Variants in SMG1 observed in about 807,000 individuals in gnomAD.
SMG1 encodes the protein serine/threonine-protein kinase SMG1.
Under a neutral mutation model 419.9 loss-of-function variants are expected in SMG1, and 22 were observed. The ratio of observed to expected loss-of-function variants is 0.05; its 90% CI spans 0.04 to 0.07. SMG1 has a LOEUF of 0.07. Ranked by LOEUF, SMG1 falls within the 10% of genes least tolerant of loss-of-function variation. The pLI is 1.00. For missense variants in SMG1, 3,185 were observed against 4,342.0 expected, an observed-to-expected ratio of 0.73 and a Z score of 7.49; for synonymous variants, 1,538 against 1,553.5, an observed-to-expected ratio of 0.99 and a Z score of 0.23.
intron 1 of SMG1, among the ~76,000 whole-genome samples, chr16:18,923,197 C>T (rs987898027): frequency 1.3e-5 from 2 of 152,180 alleles, no homozygotes; most frequent in African/African-American, 4.8e-5. Context: ...CGGGTTTGCT[C>T]TCTTGCCATA....
chr16:18,876,109 C>T lies in SMG1; in HGVS notation c.1890+15G>A. On this transcript the variant is annotated intron_variant, in intron 13 of 62. Coordinates refer to ENST00000446231, the MANE Select transcript of SMG1 (RefSeq NM_015092.5). ...AACTGTGGATAAAACAAAGTCATTA[C>T]AATTAAAGACTCACCCCTATTAGTG... 6.2e-7 allele frequency: 1 copy of T among 1,610,954 alleles called. No homozygotes were observed. Among genetic ancestry groups the T allele is most frequent in the Non-Finnish European group, 8.5e-7 (1 of 1,179,066 alleles).
In SMG1 at chr16:18,890,757, G is replaced by T. The variant is rs1398356945; in HGVS notation, c.608+106C>A. ...GACAAGACCCACTGAAATGTCAATA[G>T]ATGTTCATAAACAAAGCCAGTGGGT... On this transcript the variant is annotated intron_variant, in intron 5 of 62. Coordinates refer to ENST00000446231, the MANE Select transcript of SMG1 (RefSeq NM_015092.5). 2.3e-5 allele frequency: 15 copies of T among 664,354 alleles called. No homozygotes were observed. In the East Asian group the frequency reaches 3.8e-4, roughly 17 times the overall value. The allele number at this position is 664,354 out of a possible 1,614,324, so 41.2% of individuals were successfully genotyped here. A position where few individuals can be genotyped will look rare whatever the true frequency, so the allele number is the denominator to read the frequency against.
chr16:18,908,476 CAAAAAAAAAA>C (rs59890240), intron 1 of SMG1, among the ~76,000 whole-genome samples: 1 of 83,708 alleles, frequency 1.2e-5, no homozygotes, highest in Non-Finnish European at 2.3e-5. Context: ...GACTCCGTCT[CAAAAAAAAAA>C]AAAAAAAAAA....
chr16:18,898,856 A>G (rs1035796350), intron 1 of SMG1, among the ~76,000 whole-genome samples: 7 of 152,176 alleles, frequency 4.6e-5, no homozygotes, highest in African/African-American at 7.2e-5. Context: ...AGCAGAGAAT[A>G]CAAGTTAAAA....
Position 18,863,694 on chromosome 16 carries a change from G to A in SMG1, c.3651C>T (p.Thr1217=), listed in dbSNP as rs755895595. Residue 1217 remains threonine (T), a synonymous_variant, in exon 25 of 63, where the codon ACC becomes ACT. Transcript: ENST00000446231. The part of the protein sequence containing the change: ...QNAIHDLKKS[T]SSTSLNLKAD... ...CTTTCAGGTTGAGGGAAGTGCTACT[G>A]GTACTCTTTTTCAAGTCATGGATAG... is the stretch of plus-strand genomic sequence containing the variant. 1.9e-6 allele frequency: 3 copies of A among 1,594,740 alleles called. No individual in the cohort carries two copies. The highest frequency in any genetic ancestry group is 2.5e-6 in the Non-Finnish European group (3 of 1,178,198).
intron 9 of SMG1, among the ~76,000 whole-genome samples, chr16:18,882,844 A>C (rs2036458849): frequency 6.6e-6 from 1 of 152,224 alleles, no homozygotes; most frequent in Non-Finnish European, 1.5e-5. Context: ...ATTCGCAAAA[A>C]CTGGGATACT....
Position 18,869,108 on chromosome 16 carries a change from A to T in SMG1, c.2829T>A (p.Ile943=), listed in dbSNP as rs1567397510. ...LGRAQDTFQT[I]EGIIRSLAAH... is the part of the protein sequence containing the mutation. ...CACAAAGCTTGAGTGAGTTACCTTC[A>T]ATTGTCTGGAAGGTGTCTTGAGCTC... Residue 943 remains isoleucine, a synonymous_variant, in exon 20 of 63, where the codon ATT becomes ATA. Coordinates refer to ENST00000446231, the MANE Select transcript of SMG1 (RefSeq NM_015092.5). 6.2e-7 allele frequency: 1 copy of T among 1,608,928 alleles called. No individual in the cohort carries two copies. The highest frequency in any genetic ancestry group is 8.5e-7 in the Non-Finnish European group (1 of 1,177,090).
Position 18,872,276 on chromosome 16 carries a change from G to A in SMG1, c.2091C>T (p.Ser697=). The part of the protein sequence containing the change: ...SPSLFDGAVI[S]TVTTATKKHF... Reference sequence around the variant, plus strand: ...GTTTCTTTGTAGCCGTAGTTACAGTGCTAATCACAGCTCCATCAAACAAAG... The same window carrying A: ...GTTTCTTTGTAGCCGTAGTTACAGTACTAATCACAGCTCCATCAAACAAAG... The change falls in exon 15 of 63, where the codon AGC becomes AGT. Residue 697 remains serine, a synonymous_variant. Coordinates refer to ENST00000446231, the MANE Select transcript of SMG1 (RefSeq NM_015092.5). 1 of 1,593,414 alleles carries A rather than the reference G, an allele frequency of 6.3e-7. No homozygotes were observed. Among genetic ancestry groups the A allele is most frequent in the Non-Finnish European group, 8.6e-7 (1 of 1,167,294 alleles).
chr16:18,904,313 G>A (rs2037470146), intron 1 of SMG1, among the ~76,000 whole-genome samples: 1 of 150,374 alleles, frequency 6.7e-6, no homozygotes, highest in East Asian at 2.0e-4. Context: ...ACTCTCAAAA[G>A]TCTTACTTTA....
chr16:18,923,542 G>T (rs1200551258), intron 1 of SMG1, among the ~76,000 whole-genome samples: 1 of 151,752 alleles, frequency 6.6e-6, no homozygotes, highest in Admixed American at 6.6e-5. Flanking sequence ...TGAGGCAGGA[G>T]AATTTTTCCT....
chr16:18,814,785 C>T (rs760304669), intron 60 of SMG1, among the ~76,000 whole-genome samples: 2 of 151,082 alleles, frequency 1.3e-5, no homozygotes, highest in Non-Finnish European at 2.9e-5. Context: ...ACCATGTTGG[C>T]CCGACTGGTC....
chr16:18,811,577 G>A (rs1404731091), intron 62 of SMG1, among the ~76,000 whole-genome samples, 184 bp downstream of exon 62: 1 of 152,164 alleles, frequency 6.6e-6, no homozygotes, highest in Non-Finnish European at 1.5e-5. Context: ...TCATAGGGAA[G>A]GGTCAGAGTA....
intron 1 of SMG1, among the ~76,000 whole-genome samples, chr16:18,909,568 C>T (rs935805281): frequency 2.0e-5 from 3 of 152,024 alleles, no homozygotes; most frequent in African/African-American, 7.2e-5. Context: ...ACAGCAAGAC[C>T]TCCAACTCTA....
At chr16:18,887,518 T>TTG (rs1215476220) in intron 6 of SMG1, among the ~76,000 whole-genome samples, 4 of 125,584 alleles carry the variant, frequency 3.2e-5, no homozygotes, top group East Asian at 4.3e-4. Flanking sequence ...TTTTTTTCCT[T>TTG]TTTTTTTTTT....
intron 1 of SMG1, among the ~76,000 whole-genome samples, chr16:18,917,006 C>T (rs2038008078): frequency 6.6e-6 from 1 of 152,186 alleles, no homozygotes; most frequent in Non-Finnish European, 1.5e-5. Context: ...ACATTCCATA[C>T]ATGTGTCTAA....
Position 18,858,228 on chromosome 16 carries a change from T to C in SMG1, c.4176A>G (p.Pro1392=), listed in dbSNP as rs533120139. 2.4e-4 allele frequency: 391 copies of C among 1,608,884 alleles called. No individual in the cohort carries two copies. The highest frequency in any genetic ancestry group is 7.6e-4 in the East Asian group (34 of 44,772). ...TAGTATACCTTAATGCCTGCATCCATGGCCTCACGTCATGCTGTTTACATG... is the reference window on the plus strand; with the variant it reads ...TAGTATACCTTAATGCCTGCATCCACGGCCTCACGTCATGCTGTTTACATG... ...LRSCKQHDVR[P]WMQALRYTMY... The change falls in exon 29 of 63, where the codon CCA becomes CCG. Residue 1392 remains proline, a synonymous_variant. Coordinates refer to ENST00000446231, the MANE Select transcript of SMG1 (RefSeq NM_015092.5).
chr16:18,893,217 G>A (rs868867093), intron 3 of SMG1, among the ~76,000 whole-genome samples: 11 of 152,162 alleles, frequency 7.2e-5, no homozygotes, highest in African/African-American at 2.7e-4. Context: ...CCACATGCAA[G>A]GCATGCCTCC....
In SMG1 at chr16:18,897,597, G is replaced by C. The variant is rs149576754; in HGVS notation, c.93-641C>G. On this transcript the variant is annotated intron_variant, in intron 1 of 62. Coordinates refer to ENST00000446231, the MANE Select transcript of SMG1 (RefSeq NM_015092.5). ...AAATGCAATAAAGTGATATCAGAAA[G>C]TTGTAGTTCATAATCTATTTAAAAT... 7.4e-3 allele frequency among the ~76,000 whole-genome samples: 1,123 copies of C among 152,254 alleles called. 5 individuals carry two copies. Among genetic ancestry groups the C allele is most frequent in the Non-Finnish European group, 0.012 (831 of 68,014 alleles).
At chr16:18,901,388 T>A (rs2037340562) in intron 1 of SMG1, among the ~76,000 whole-genome samples, 1 of 152,060 alleles carries the variant, frequency 6.6e-6, no homozygotes, top group Non-Finnish European at 1.5e-5. Flanking sequence ...TATTTTTATG[T>A]TTTTTGTAGA....
Sources: allele counts gnomAD v4.1 joint callset (sites outside exome capture counted in the v4.1 genomes callset), GRCh38; gene constraint gnomAD v4.1.1; transcripts MANE v1.5; gene names NCBI Gene and HGNC (gene_info 2026-07-23, HGNC 2026-07-21).